The following SLC24A4 variants were observed in gnomAD, a reference collection of about 807,000 sequenced individuals.
SLC24A4 encodes sodium/potassium/calcium exchanger 4.
In SLC24A4, 53 loss-of-function variants were observed where a neutral mutation model predicts 79.0. The ratio of observed to expected loss-of-function variants is 0.67; its 90% CI spans 0.54 to 0.84. SLC24A4 has a LOEUF of 0.84. Ranked by LOEUF, SLC24A4 falls within the 40% of genes least tolerant of loss-of-function variation. The pLI is 0.00. For synonymous variants in SLC24A4, 323 were observed against 323.8 expected, an observed-to-expected ratio of 1.00 and a Z score of 0.03; for missense variants, 731 against 822.0, an observed-to-expected ratio of 0.89 and a Z score of 1.35.
intron 12 of SLC24A4, among the ~76,000 whole-genome samples, chr14:92,480,708 A>AT (rs1280408100): frequency 1.3e-5 from 2 of 151,852 alleles, no homozygotes; most frequent in Non-Finnish European, 2.9e-5. Flanking sequence ...GTATTTTCTA[A>AT]TTTTTTTGTG....
At chr14:92,493,007 CACACACACACAG>C (rs1468190011) in intron 16 of SLC24A4, 6,477 of 292,984 alleles carry the variant, frequency 0.022, 206 homozygotes, top group East Asian at 0.12. Flanking sequence ...CACACACACA[CACACACACACAG>C]AGAAAGATTT....
At chr14:92,492,151 G>A (rs1895712678) in intron 15 of SLC24A4, 24 bp from the exon 16 acceptor site, 2 of 1,605,402 alleles carry the variant, frequency 1.2e-6, no homozygotes, top group African/African-American at 2.8e-5. Context: ...AAGAGACTCA[G>A]GGCACGTGTG....
intron 12 of SLC24A4, among the ~76,000 whole-genome samples, chr14:92,477,261 T>C (rs1274330875): frequency 6.6e-6 from 1 of 152,232 alleles, no homozygotes; most frequent in Non-Finnish European, 1.5e-5. Flanking sequence ...ATTTTCCTAA[T>C]GACCATTTTC....
Position 92,494,930 on chromosome 14 carries a change from C to A in SLC24A4, c.*1302C>A, listed in dbSNP as rs1232103323. The A allele has an allele frequency of 1.3e-5, 2 of 152,522 alleles. No homozygotes were observed. The highest frequency in any genetic ancestry group is 2.9e-5 in the Non-Finnish European group (2 of 68,024). 9.4% of individuals were successfully genotyped at this position (152,522 alleles called of 1,614,324 possible). ...ATTTAAAAGATTTATGAATACAAAC[C>A]ATTTATGGTTTATGATTTCTAAAAA... On this transcript the variant is annotated 3_prime_UTR_variant, in exon 17 of 17. Coordinates refer to ENST00000532405, the MANE Select transcript of SLC24A4 (RefSeq NM_153646.4). This position sits in a 1 kb window ranked among gnomAD's most constrained non-coding sequence, Gnocchi z 4.6.
intron 12 of SLC24A4, among the ~76,000 whole-genome samples, chr14:92,465,195 G>A (rs112295990): frequency 0.017 from 2,633 of 152,272 alleles, 35 homozygotes; most frequent in Middle Eastern, 0.054. Flanking sequence ...GGTGCTTTTT[G>A]CATTTCTTTC....
At chr14:92,373,969 A>G (rs547498594) in intron 2 of SLC24A4, among the ~76,000 whole-genome samples, 183 of 152,356 alleles carry the variant, frequency 1.2e-3, no homozygotes, top group South Asian at 5.2e-3. Context: ...AATATCATAT[A>G]TCATATTTTA....
At chr14:92,486,308 G>T (rs544847134) in intron 13 of SLC24A4, among the ~76,000 whole-genome samples, 5 of 152,262 alleles carry the variant, frequency 3.3e-5, no homozygotes, top group Admixed American at 2.0e-4. Context: ...AAGACCAGCC[G>T]CCAGGGTCCT....
At chr14:92,383,248 C>T (rs1489017953) in intron 2 of SLC24A4, among the ~76,000 whole-genome samples, 4 of 152,244 alleles carry the variant, frequency 2.6e-5, no homozygotes, top group Non-Finnish European at 4.4e-5. Context: ...AGATATGGGG[C>T]ACCCCCCACT....
At chr14:92,337,464 C>G (rs1338282755) in intron 2 of SLC24A4, among the ~76,000 whole-genome samples, 1 of 152,176 alleles carries the variant, frequency 6.6e-6, no homozygotes, top group East Asian at 1.9e-4. Context: ...AAAGTGACAC[C>G]TCTCTCCCTG....
Position 92,459,675 on chromosome 14 carries a change from G to GC in SLC24A4, c.1255+3068dup, listed in dbSNP as rs528914353. On this transcript the variant is annotated intron_variant, in intron 12 of 16. Transcript: ENST00000532405. ...GTGTTGTCCCTGGAAACCACGAATGGCTTCCTTTTCTTCTTCCTCCCTTTC... is the reference window on the plus strand; with the variant it reads ...GTGTTGTCCCTGGAAACCACGAATGGCCTTCCTTTTCTTCTTCCTCCCTTTC... Among the ~76,000 whole-genome samples, 40 of 152,264 alleles carry GC rather than the reference G, an allele frequency of 2.6e-4. 1 individual carries two copies. In the East Asian group the frequency reaches 6.2e-3, roughly 24 times the overall value.
chr14:92,385,741 T>C (rs1238735688), intron 2 of SLC24A4, among the ~76,000 whole-genome samples: 6 of 152,128 alleles, frequency 3.9e-5, no homozygotes, highest in African/African-American at 1.4e-4. Context: ...CCCAGCTGCC[T>C]GGGAAGAGTG....
chr14:92,471,240 C>G (rs1489270022), intron 12 of SLC24A4, among the ~76,000 whole-genome samples: 1 of 152,182 alleles, frequency 6.6e-6, no homozygotes, highest in African/African-American at 2.4e-5. Context: ...GCCCACTGGC[C>G]TCTGCAACTC....
intron 12 of SLC24A4, among the ~76,000 whole-genome samples, chr14:92,479,609 A>G (rs868255077): frequency 3.9e-5 from 6 of 152,210 alleles, no homozygotes; most frequent in Middle Eastern, 3.2e-3. Flanking sequence ...CCAGTTTGCT[A>G]GAATTTTGTT....
At chr14:92,350,000 G>A (rs1417053173) in intron 2 of SLC24A4, among the ~76,000 whole-genome samples, 2 of 152,210 alleles carry the variant, frequency 1.3e-5, no homozygotes, top group Non-Finnish European at 2.9e-5. Context: ...TCACCAGAAG[G>A]AATCATTTGG....
chr14:92,442,403 G>C (rs544558118), intron 5 of SLC24A4, among the ~76,000 whole-genome samples: 2 of 152,322 alleles, frequency 1.3e-5, no homozygotes, highest in South Asian at 4.1e-4. Flanking sequence ...AAATTAGATT[G>C]TGGTTTTGGT....
chr14:92,491,347 T>C (rs1895660946), intron 14 of SLC24A4, among the ~76,000 whole-genome samples: 1 of 152,212 alleles, frequency 6.6e-6, no homozygotes, highest in South Asian at 2.1e-4. Flanking sequence ...TCCAGTCATA[T>C]TGGATTAAGA....
intron 13 of SLC24A4, among the ~76,000 whole-genome samples, chr14:92,485,120 C>A (rs1008613816): frequency 6.6e-6 from 1 of 152,136 alleles, no homozygotes; most frequent in Non-Finnish European, 1.5e-5. Context: ...GTCCCCACAG[C>A]CCACTCCATA....
At position 92,500,157 on chromosome 14, in the gene SLC24A4, A is replaced by G. The variant is rs1460895729; in HGVS notation, c.*6529A>G. ...CCCGCCAAGCAGTTGCTTCTTATGC[A>G]ACATGTTGGTTGGGACTTGTCCACG... On this transcript the variant is annotated 3_prime_UTR_variant, in exon 17 of 17. Transcript: ENST00000532405. The G allele has an allele frequency of 6.6e-6, 1 of 152,186 alleles. No homozygotes were observed. The highest frequency in any genetic ancestry group is 1.5e-5 in the Non-Finnish European group (1 of 68,056). 9.4% of individuals were successfully genotyped at this position (152,186 alleles called of 1,614,324 possible). A position where few individuals can be genotyped will look rare whatever the true frequency, so the allele number is the denominator to read the frequency against.
intron 12 of SLC24A4, among the ~76,000 whole-genome samples, chr14:92,471,063 G>T (rs1894417200): frequency 1.3e-5 from 2 of 152,202 alleles, no homozygotes; most frequent in Admixed American, 6.5e-5. Context: ...CTTAAGGATT[G>T]CATTCAGCTG....
Sources: allele counts gnomAD v4.1 joint callset (sites outside exome capture counted in the v4.1 genomes callset), GRCh38; gene constraint gnomAD v4.1.1; non-coding constraint Gnocchi (gnomAD v3.1); transcripts MANE v1.5; gene names NCBI Gene and HGNC (gene_info 2026-07-23, HGNC 2026-07-21).